Variants in HMGCLL1 observed in about 807,000 individuals in gnomAD.
HMGCLL1 encodes 3-hydroxy-3-methylglutaryl-CoA lyase like 1.
Under a neutral mutation model 39.1 loss-of-function variants are expected in HMGCLL1, and 36 were observed. That is an observed-to-expected ratio of 0.92 (90% CI 0.71 to 1.22). The LOEUF (loss-of-function observed/expected upper bound fraction) is 1.22, where lower values mean the gene tolerates loss of function less well. Among genes scored for constraint, HMGCLL1 ranks in the 50% most tolerant of loss-of-function variants. The pLI is 0.00. For missense variants in HMGCLL1, 451 were observed against 416.5 expected, an observed-to-expected ratio of 1.08 and a Z score of -0.72; for synonymous variants, 149 against 144.0, an observed-to-expected ratio of 1.03 and a Z score of -0.25.
the HMGCLL1 span, among the ~76,000 whole-genome samples, chr6:55,635,873 G>T: frequency 5.9e-5 from 9 of 152,286 alleles, no homozygotes; most frequent in South Asian, 1.9e-3. Flanking sequence ...TAGAGTTAAA[G>T]TTCTGGGCAC....
At chr6:55,661,571 G>A in the HMGCLL1 span, among the ~76,000 whole-genome samples, 1 of 151,694 alleles carries the variant, frequency 6.6e-6, no homozygotes, top group African/African-American at 2.4e-5. Context: ...ATTGGTATGT[G>A]TATCTGTTTT....
At chr6:55,627,604 G>A in the HMGCLL1 span, among the ~76,000 whole-genome samples, 1 of 151,364 alleles carries the variant, frequency 6.6e-6, no homozygotes, top group South Asian at 2.1e-4. Flanking sequence ...TAACATTTGA[G>A]TCAGTGGGCT....
chr6:55,461,554 A>T (rs1323929660), intron 7 of HMGCLL1, among the ~76,000 whole-genome samples: 1 of 152,004 alleles, frequency 6.6e-6, no homozygotes, highest in African/African-American at 2.4e-5. Flanking sequence ...AATATAACTA[A>T]CTTATTTTTC....
chr6:55,512,533 T>C (rs550290408), intron 5 of HMGCLL1: 1 of 152,142 alleles, frequency 6.6e-6, no homozygotes, highest in East Asian at 1.9e-4. Context: ...GATATGCATC[T>C]ATCTTAATTA....
chr6:55,567,398 A>G (rs530876384), intron 1 of HMGCLL1, among the ~76,000 whole-genome samples: 10 of 152,272 alleles, frequency 6.6e-5, no homozygotes, highest in African/African-American at 2.4e-4. Flanking sequence ...GTATACACAC[A>G]CACACACAAC....
chr6:55,463,505 A>G (rs1239266569), intron 7 of HMGCLL1, among the ~76,000 whole-genome samples: 1 of 152,232 alleles, frequency 6.6e-6, no homozygotes, highest in Non-Finnish European at 1.5e-5. Context: ...AGAATATTCC[A>G]GAAAAGTTAT....
intron 7 of HMGCLL1, among the ~76,000 whole-genome samples, chr6:55,468,072 G>A (rs979993474): frequency 6.6e-6 from 1 of 151,996 alleles, no homozygotes; most frequent in Non-Finnish European, 1.5e-5. Flanking sequence ...GAAGGAGCAT[G>A]ACAAGAGAAA....
At chr6:55,530,216 G>A (rs1241571780) in intron 3 of HMGCLL1, among the ~76,000 whole-genome samples, 1 of 152,104 alleles carries the variant, frequency 6.6e-6, no homozygotes, top group African/African-American at 2.4e-5. Flanking sequence ...CATTATAGCA[G>A]TATAAGAAGG....
At chr6:55,580,395 C>CT (rs1771955363), upstream of HMGCLL1, among the ~76,000 whole-genome samples, 2 of 100,590 alleles carry the variant, frequency 2.0e-5, no homozygotes, top group Admixed American at 1.0e-4. Flanking sequence ...TTTTTTTTTT[C>CT]TTTTTTCTTT....
chr6:55,452,248 A>G (rs1764129483), intron 7 of HMGCLL1, among the ~76,000 whole-genome samples: 1 of 152,054 alleles, frequency 6.6e-6, no homozygotes, highest in South Asian at 2.1e-4. Flanking sequence ...CTGCTCAATG[A>G]CTCTTTTATT....
chr6:55,564,076 T>C (rs1005722575), intron 1 of HMGCLL1, among the ~76,000 whole-genome samples: 1 of 152,118 alleles, frequency 6.6e-6, no homozygotes, highest in African/African-American at 2.4e-5. Context: ...CAAGTTCAAG[T>C]GTTCAGTCAC....
the HMGCLL1 span, among the ~76,000 whole-genome samples, chr6:55,633,381 C>T: frequency 4.0e-5 from 6 of 151,622 alleles, no homozygotes; most frequent in East Asian, 5.9e-4. Context: ...TATAGAGTAG[C>T]CTCAGGAGAA....
the HMGCLL1 span, among the ~76,000 whole-genome samples, chr6:55,674,335 T>C: frequency 6.6e-6 from 1 of 151,626 alleles, no homozygotes; most frequent in Non-Finnish European, 1.5e-5. Flanking sequence ...GGATTCAAGG[T>C]TATATGTGAT....
At chr6:55,457,729 G>A (rs531707079) in intron 7 of HMGCLL1, among the ~76,000 whole-genome samples, 43 of 151,166 alleles carry the variant, frequency 2.8e-4, no homozygotes, top group African/African-American at 8.3e-4. Context: ...CTTTCAAGTC[G>A]GCTATATCAA....
the HMGCLL1 span, among the ~76,000 whole-genome samples, chr6:55,675,986 A>G: frequency 2.6e-5 from 4 of 152,180 alleles, no homozygotes; most frequent in African/African-American, 4.8e-5. Context: ...AATGCTTGAA[A>G]TCAAGAATTG....
At chr6:55,447,207 T>C (rs1763892029) in intron 7 of HMGCLL1, among the ~76,000 whole-genome samples, 1 of 151,986 alleles carries the variant, frequency 6.6e-6, no homozygotes, top group Non-Finnish European at 1.5e-5. Context: ...AGATACTATA[T>C]GAGCTACTGT....
In HMGCLL1 at chr6:55,579,080, CG is replaced by C. The variant is rs1246186348; in HGVS notation, c.-26del. 1 of 1,558,754 alleles carries C rather than the reference CG, an allele frequency of 6.4e-7. No individual in the cohort carries two copies. Among genetic ancestry groups the C allele is most frequent in the Non-Finnish European group, 8.8e-7 (1 of 1,137,966 alleles). On this transcript the variant is annotated 5_prime_UTR_variant, in exon 1 of 9. Coordinates refer to ENST00000274901, the MANE Select transcript of HMGCLL1 (RefSeq NM_001042406.2). ...TGGCGGAGCCTGGGGCGGCAGTCGGCGAGGGGAGGGAGACTGGAGGAGGATG... is the reference window on the plus strand; with the variant it reads ...TGGCGGAGCCTGGGGCGGCAGTCGGCAGGGGAGGGAGACTGGAGGAGGATG...
chr6:55,487,341 G>A lies in HMGCLL1; in HGVS notation c.795+8078C>T, dbSNP rs551588733. On this transcript the variant is annotated intron_variant, in intron 7 of 8. Transcript: ENST00000274901. ...CTTTAAGTTCTGGGATACATGTGCA[G>A]AATGTGCAGTTTTGTTACACAGGTA... is the stretch of plus-strand genomic sequence containing the variant. Among the ~76,000 whole-genome samples the A allele has an allele frequency of 4.0e-4, 61 of 152,020 alleles. No homozygotes were observed. In the South Asian group the frequency reaches 0.012, roughly 29 times the overall value.
chr6:55,542,225 G>T, intron 1 of HMGCLL1, 85 bp from the exon 2 acceptor site: 1 of 755,670 alleles, frequency 1.3e-6, no homozygotes, highest in Non-Finnish European at 2.2e-6. Flanking sequence ...ACTGCACTTT[G>T]TTATACTCTT....
Sources: gnomAD v4.1 joint callset for allele counts (sites outside exome capture counted in the v4.1 genomes callset) on GRCh38, gnomAD v4.1.1 for gene constraint, MANE v1.5 for transcripts, NCBI Gene and HGNC (gene_info 2026-07-23, HGNC 2026-07-21) for gene names.